DISC1: variants seen among roughly 807,000 people sequenced by gnomAD.
The protein encoded by DISC1 is DISC1 scaffold protein, also known as disrupted in schizophrenia 1 protein.
In DISC1, 57 loss-of-function variants were observed where a neutral mutation model predicts 84.5. That is an observed-to-expected ratio of 0.67 (90% CI 0.55 to 0.84). DISC1 has a LOEUF of 0.84. DISC1 is among the 40% of genes least tolerant of loss of function. DISC1 has a pLI of 0.00. For missense variants in DISC1, 1,000 were observed against 1,057.8 expected (o/e 0.95, Z 0.76); for synonymous variants, 411 against 415.2 (o/e 0.99, Z 0.12).
At chr1:231,834,199 C>A (rs772301497) in intron 9 of DISC1, among the ~76,000 whole-genome samples, 1 of 151,966 alleles carries the variant, frequency 6.6e-6, no homozygotes, top group Non-Finnish European at 1.5e-5. Flanking sequence ...TAAGCCAGAC[C>A]GGGTGTAAGG....
At chr1:231,650,799 T>C (rs191430771) in intron 1 of DISC1, among the ~76,000 whole-genome samples, 33 of 152,334 alleles carry the variant, frequency 2.2e-4, no homozygotes, top group Admixed American at 2.0e-3. Flanking sequence ...CTTCTCGCCT[T>C]ATTTCATTAA....
intron 1 of DISC1, among the ~76,000 whole-genome samples, chr1:231,684,356 A>ATG (rs1451664763): frequency 6.6e-6 from 1 of 152,172 alleles, no homozygotes; most frequent in African/African-American, 2.4e-5. Flanking sequence ...ATTTATATAT[A>ATG]ATTATGTGTT....
chr1:231,978,128 A>G (rs1305303029), intron 10 of DISC1, among the ~76,000 whole-genome samples: 1 of 151,886 alleles, frequency 6.6e-6, no homozygotes, highest in African/African-American at 2.4e-5. Flanking sequence ...AGACTTGGTC[A>G]TATTTATGGC....
At chr1:231,663,323 T>C (rs932735277) in intron 1 of DISC1, among the ~76,000 whole-genome samples, 1 of 152,056 alleles carries the variant, frequency 6.6e-6, no homozygotes, top group African/African-American at 2.4e-5. Context: ...ACGAAGCAAA[T>C]GTTGACAGAA....
At chr1:232,001,619 A>C (rs1361074220) in intron 10 of DISC1, among the ~76,000 whole-genome samples, 1 of 152,214 alleles carries the variant, frequency 6.6e-6, no homozygotes, top group Non-Finnish European at 1.5e-5. Flanking sequence ...CGAAGGTATA[A>C]AAGTAATTCA....
In DISC1 at chr1:231,987,309, A is replaced by G. The variant is rs182410857; in HGVS notation, c.2043-21476A>G. Among the ~76,000 whole-genome samples, 4 of 152,304 alleles carry G rather than the reference A, an allele frequency of 2.6e-5. No individual in the cohort carries two copies. In the East Asian group the frequency reaches 5.8e-4, roughly 22 times the overall value. Reference sequence around the variant, plus strand: ...GAAAGATTTTTTTCGCTTAGCCTGAATGCCTTAGAACTATTCAGTCACATT... The same window carrying G: ...GAAAGATTTTTTTCGCTTAGCCTGAGTGCCTTAGAACTATTCAGTCACATT... On this transcript the variant is annotated intron_variant, in intron 10 of 12. Transcript: ENST00000439617.
In DISC1 at chr1:231,893,803, G is replaced by A. The variant is rs566378959; in HGVS notation, c.1982-65025G>A. Among the ~76,000 whole-genome samples the A allele has an allele frequency of 9.2e-5, 14 of 152,302 alleles. No homozygotes were observed. In the South Asian group the frequency reaches 2.7e-3, roughly 29 times the overall value. On this transcript the variant is annotated intron_variant, in intron 9 of 12. Transcript: ENST00000439617. ...ACATCCAGAGGCATGGGGAGATGAC[G>A]CTTACTCTGCCTGTACTGAAGAGAA...
chr1:231,758,318 C>G (rs12091717), intron 4 of DISC1, among the ~76,000 whole-genome samples: 26,568 of 152,084 alleles, frequency 0.17, 2,489 homozygotes, highest in East Asian at 0.34. Context: ...AGTCTTCCTT[C>G]TTGCAGGGCA....
intron 9 of DISC1, among the ~76,000 whole-genome samples, chr1:231,906,471 T>C (rs1322143757): frequency 6.6e-6 from 1 of 152,226 alleles, no homozygotes; most frequent in Non-Finnish European, 1.5e-5. Flanking sequence ...CAGGGGGTGC[T>C]TTATGCACGA....
chr1:231,642,445 G>A lies in DISC1; in HGVS notation c.67+15511G>A, dbSNP rs903243637. Among the ~76,000 whole-genome samples, 13 of 152,250 alleles carry A rather than the reference G, an allele frequency of 8.5e-5. 1 individual carries two copies. The highest frequency in any genetic ancestry group is 3.1e-4 in the African/African-American group (13 of 41,478). The stretch of plus-strand genomic sequence containing the variant: ...GCCGAGAGCGAGCGCGGGCTGCGAG[G>A]ACTGCCAGCACGCTGTCACCTCTCG... On this transcript the variant is annotated intron_variant, in intron 1 of 12. Transcript: ENST00000439617.
chr1:231,784,272 A>T (rs2077665374), intron 6 of DISC1, among the ~76,000 whole-genome samples: 1 of 152,180 alleles, frequency 6.6e-6, no homozygotes, highest in East Asian at 1.9e-4. Context: ...CAAAAAAAAA[A>T]AAAAAAAGTG....
rs1670704629 is a variant in DISC1 at position 232,039,783 on chromosome 1, A to G, written c.*2952A>G. On this transcript the variant is annotated 3_prime_UTR_variant, in exon 13 of 13. Coordinates refer to ENST00000439617, the MANE Select transcript of DISC1 (RefSeq NM_018662.3). ...ACAACAATGGAAATTTATGTTGGCG[A>G]TAGCCAAGACCACAAGCAAAAGCAC... 1 of 152,166 alleles carries G rather than the reference A, an allele frequency of 6.6e-6. No homozygotes were observed. Among genetic ancestry groups the G allele is most frequent in the Admixed American group, 6.5e-5 (1 of 15,274 alleles). The allele number at this position is 152,166 out of a possible 1,614,324, so 9.4% of individuals were successfully genotyped here. A position where few individuals can be genotyped will look rare whatever the true frequency, so the allele number is the denominator to read the frequency against.
chr1:231,799,549 G>T (rs12029608), intron 7 of DISC1, among the ~76,000 whole-genome samples: 109,255 of 151,490 alleles, frequency 0.72, 39,796 homozygotes, highest in Admixed American at 0.78. Flanking sequence ...TGCTATTTTG[G>T]GTGGGTAATC....
chr1:231,838,588 C>T (rs1284358772), intron 9 of DISC1, among the ~76,000 whole-genome samples: 1 of 152,120 alleles, frequency 6.6e-6, no homozygotes, highest in Non-Finnish European at 1.5e-5. Flanking sequence ...TGCCCTTTGG[C>T]CTAAAGCTGT....
At chr1:231,843,015 A>C (rs2083186037) in intron 9 of DISC1, among the ~76,000 whole-genome samples, 1 of 152,108 alleles carries the variant, frequency 6.6e-6, no homozygotes, top group African/African-American at 2.4e-5. Flanking sequence ...GCTGAGCCTA[A>C]CAGTACCATC....
At chr1:231,828,481 C>A (rs1445635304) in intron 9 of DISC1, among the ~76,000 whole-genome samples, 2 of 152,128 alleles carry the variant, frequency 1.3e-5, no homozygotes, top group East Asian at 1.9e-4. Flanking sequence ...TGGAATCCTG[C>A]AAATCTGTCA....
intron 9 of DISC1, among the ~76,000 whole-genome samples, chr1:231,832,419 AGTT>A (rs770219401): frequency 7.2e-5 from 11 of 151,944 alleles, no homozygotes; most frequent in Non-Finnish European, 1.5e-4. Flanking sequence ...GAAGGAAAGG[AGTT>A]GTTGTTTTGT....
intron 8 of DISC1, among the ~76,000 whole-genome samples, chr1:231,801,420 A>T (rs995622750): frequency 2.0e-5 from 3 of 152,218 alleles, no homozygotes; most frequent in Non-Finnish European, 4.4e-5. Context: ...GGCAGCAGAG[A>T]TAGCCTCACT....
chr1:231,795,444 A>G, intron 7 of DISC1, 148 bp downstream of exon 7: 2 of 688,074 alleles, frequency 2.9e-6, no homozygotes, highest in South Asian at 3.4e-5. Context: ...GATGAGTTAA[A>G]AGAGCCAGGA....
Sources: gnomAD v4.1 joint callset for allele counts (sites outside exome capture counted in the v4.1 genomes callset) on GRCh38, gnomAD v4.1.1 for gene constraint, MANE v1.5 for transcripts, NCBI Gene and HGNC (gene_info 2026-07-23, HGNC 2026-07-21) for gene names.